TTN: variants seen among roughly 807,000 people sequenced by gnomAD.
TTN encodes connectin.
In TTN, 1,525 loss-of-function variants were observed where a neutral mutation model predicts 3,223.0. The ratio of observed to expected loss-of-function variants is 0.47; its 90% confidence interval spans 0.45 to 0.49. The LOEUF is 0.49. Ranked by LOEUF, TTN falls within the 20% of genes least tolerant of loss-of-function variation. TTN has a pLI of 0.00. For missense variants in TTN, 40,786 were observed against 43,424.0 expected (o/e 0.94, Z 5.40); for synonymous variants, 14,094 against 15,161.0 (o/e 0.93, Z 5.17).
In TTN at chr2:178,543,099, C is replaced by T. The variant is rs746347387; in HGVS notation, c.96874G>A (p.Val32292Ile). The change falls in exon 347 of 363, where the codon GTC becomes ATC. Residue 32292 changes from valine (V) to isoleucine (I), a missense_variant. Coordinates refer to ENST00000589042, the MANE Select transcript of TTN (RefSeq NM_001267550.2). ...EKGVSEPRET[V>I]TAVTVQDLRV... ...AGGTCTTGTACAGTCACGGCTGTGACAGTCTCTCTTGGTTCTGACACACCT... is the reference window on the plus strand; with the variant it reads ...AGGTCTTGTACAGTCACGGCTGTGATAGTCTCTCTTGGTTCTGACACACCT... 44 of 1,602,556 alleles carry T rather than the reference C, an allele frequency of 2.7e-5. No individual in the cohort carries two copies. Among genetic ancestry groups the T allele is most frequent in the Admixed American group, 5.0e-5 (3 of 59,564 alleles).
In TTN at chr2:178,771,249, A is replaced by G. The variant is rs780868304; in HGVS notation, c.8078T>C (p.Val2693Ala). 1.4e-5 allele frequency: 22 copies of G among 1,614,098 alleles called. No individual in the cohort carries two copies. Among genetic ancestry groups the G allele is most frequent in the Non-Finnish European group, 1.8e-5 (21 of 1,179,996 alleles). Residue 2693 changes from valine to alanine, a missense_variant, in exon 34 of 363, where the codon GTG becomes GCG. Transcript: ENST00000589042. Reference sequence around the variant, plus strand: ...TTTGGCAGATGTTTTGGAGGTGGCCACCTTGTAGGTATATTCTCCAATGTC... The same window carrying G: ...TTTGGCAGATGTTTTGGAGGTGGCCGCCTTGTAGGTATATTCTCCAATGTC... ...LDDIGEYTYKVATSKTSAKLK... is the reference protein window; with the variant it reads ...LDDIGEYTYKAATSKTSAKLK...
intron 305 of TTN, 48 bp downstream of exon 305, chr2:178,587,851 C>A (rs2049376365): frequency 1.3e-6 from 2 of 1,565,806 alleles, no homozygotes; most frequent in Admixed American, 1.8e-5. Flanking sequence ...GTGGGGAAAT[C>A]ATAAGAAATT....
chr2:178,800,433 A>C lies in TTN; in HGVS notation c.545T>G (p.Val182Gly). Residue 182 changes from valine (V) to glycine (G), a missense_variant, in exon 4 of 363, where the codon GTT becomes GGT. Physicochemically the swap from Val to Gly is moderately radical, Grantham distance 109 (BLOSUM62 -3). Coordinates refer to ENST00000589042, the MANE Select transcript of TTN (RefSeq NM_001267550.2). ...TTCAGCAGTCGAAGTAGCTCTTCCA[A>C]CGCTATTGGTGGCATTTACTGAATA... ...GTYSVNATNS[V>G]GRATSTAELL... is the part of the protein sequence containing the mutation. 6.2e-7 allele frequency: 1 copy of C among 1,614,080 alleles called. No homozygotes were observed. Among genetic ancestry groups the C allele is most frequent in the African/African-American group, 1.3e-5 (1 of 75,026 alleles).
At position 178,740,421 on chromosome 2, in the gene TTN, T is replaced by C; in HGVS notation, c.12812A>G (p.His4271Arg). Residue 4271 changes from histidine to arginine, a missense_variant, in exon 48 of 363, where the codon CAC (histidine) becomes CGC (arginine). By Grantham distance (29) the His-to-Arg change is conservative. Transcript: ENST00000589042. ...ATCAGGACTCTGGAGACTCTCCACG[T>C]GTCCCTCAGCTAAGCTCTGACTCAA... is the stretch of plus-strand genomic sequence containing the variant. ...LILSQSLAEG[H>R]VESLQSPDVM... 6.2e-7 allele frequency: 1 copy of C among 1,613,228 alleles called. No homozygotes were observed. The highest frequency in any genetic ancestry group is 8.5e-7 in the Non-Finnish European group (1 of 1,179,524).
At position 178,591,038 on chromosome 2, in the gene TTN, T is replaced by C. The variant is rs1576097493; in HGVS notation, c.60687A>G (p.Thr20229=). ...WGVVSSGSSK[T]KLKIPHLQKG... ...TCTGCAGATGTGGGATTTTCAGCTT[T>C]GTCTTACTGCTTCCGGAAGAGACAA... Residue 20229 remains threonine, a synonymous_variant, in exon 304 of 363, where the codon ACA becomes ACG. Coordinates refer to ENST00000589042, the MANE Select transcript of TTN (RefSeq NM_001267550.2). 6.2e-7 allele frequency: 1 copy of C among 1,613,482 alleles called. No homozygotes were observed. The highest frequency in any genetic ancestry group is 8.5e-7 in the Non-Finnish European group (1 of 1,179,566).
At chr2:178,539,347 A>C (rs1693264004) in intron 352 of TTN, 35 bp downstream of exon 352, 1 of 1,599,304 alleles carries the variant, frequency 6.3e-7, no homozygotes, top group Non-Finnish European at 8.5e-7. Context: ...GTGCTGAAAT[A>C]ATGTTTATAA....
rs1455700938 is a variant in TTN at position 178,635,492 on chromosome 2, C to T, written c.41832G>A (p.Glu13944=). ...TTTTTCCTTCAATTTCCACTGCATA[C>T]TCAGCAATATCTTCTGGCATAGCAT... ...IKNAMPEDIA[E]YAVEIEGKRY... Residue 13944 remains glutamate, a synonymous_variant, in exon 227 of 363, where the codon GAG becomes GAA. Coordinates refer to ENST00000589042, the MANE Select transcript of TTN (RefSeq NM_001267550.2). 12 of 1,605,364 alleles carry T rather than the reference C, an allele frequency of 7.5e-6. No individual in the cohort carries two copies. Among genetic ancestry groups the T allele is most frequent in the Middle Eastern group, 1.7e-4 (1 of 6,040 alleles).
At position 178,571,760 on chromosome 2, in the gene TTN, G is replaced by C. The variant is rs1055906361; in HGVS notation, c.74372C>G (p.Thr24791Ser). 1.9e-6 allele frequency: 3 copies of C among 1,613,268 alleles called. No individual in the cohort carries two copies. Among genetic ancestry groups the C allele is most frequent in the Non-Finnish European group, 2.5e-6 (3 of 1,179,540 alleles). The change falls in exon 326 of 363, where the codon ACT becomes AGT. Residue 24791 changes from threonine (T) to serine (S), a missense_variant. Transcript: ENST00000589042. ...TTCAATAGCTTCACCAGCTGAGTTAGTCAGTTTAACCACATAATGGCCAAC... is the reference window on the plus strand; with the variant it reads ...TTCAATAGCTTCACCAGCTGAGTTACTCAGTTTAACCACATAATGGCCAAC... ...EDVGHYVVKL[T>S]NSAGEAIETL... is the part of the protein sequence containing the mutation.
Position 178,608,912 on chromosome 2 carries a change from A to G in TTN, c.52103-4T>C, listed in dbSNP as rs762931365. 1 of 1,605,530 alleles carries G rather than the reference A, an allele frequency of 6.2e-7. No homozygotes were observed. The highest frequency in any genetic ancestry group is 1.1e-5 in the South Asian group (1 of 90,366). On this transcript the variant is annotated splice_polypyrimidine_tract_variant and splice_region_variant and intron_variant, in intron 273 of 362. Transcript: ENST00000589042. ...TTGATTGGTGGTCCCGGTGTATCTA[A>G]TATTTCAGAAGAGAACAGTAATCAA...
Position 178,614,558 on chromosome 2 carries a change from A to G in TTN, c.48956T>C (p.Val16319Ala), listed in dbSNP as rs374837771. 1.9e-5 allele frequency: 31 copies of G among 1,612,320 alleles called. No homozygotes were observed. Among genetic ancestry groups the G allele is most frequent in the African/African-American group, 2.7e-5 (2 of 74,784 alleles). ...NVPKKSTVTI[V>A]DSKRSDTGTY... Reference sequence around the variant, plus strand: ...GCCAGTGTCACTTCTCTTACTATCAACAATAGTCACTGTGGATTTCTTAGG... The same window carrying G: ...GCCAGTGTCACTTCTCTTACTATCAGCAATAGTCACTGTGGATTTCTTAGG... The change falls in exon 261 of 363, where the codon GTT (valine) becomes GCT (alanine). Residue 16319 changes from valine (V) to alanine (A), a missense_variant. Transcript: ENST00000589042.
chr2:178,546,505 G>A lies in TTN; in HGVS notation c.94829-3C>T, dbSNP rs762081355. 1 of 1,608,840 alleles carries A rather than the reference G, an allele frequency of 6.2e-7. No individual in the cohort carries two copies. On this transcript the variant is annotated splice_polypyrimidine_tract_variant and splice_region_variant and intron_variant, in intron 341 of 362. Transcript: ENST00000589042. The stretch of plus-strand genomic sequence containing the variant: ...ATCCAGTTCGGCTTTGGGTGGAGCT[G>A]TCAGTAGGCAAAACAGATATGAATG...
intron 316 of TTN, 179 bp from the exon 317 acceptor site, chr2:178,580,788 C>G: frequency 1.5e-6 from 1 of 663,408 alleles, no homozygotes; most frequent in Non-Finnish European, 2.4e-6. Flanking sequence ...GTTGATCTTT[C>G]CATTTTCCAC....
intron 47 of TTN, chr2:178,748,037 T>C: frequency 6.2e-7 from 1 of 1,613,030 alleles, no homozygotes; most frequent in African/African-American, 1.3e-5. Context: ...CAACTCTGGT[T>C]CTAGAGTGCA....
At position 178,570,800 on chromosome 2, in the gene TTN, A is replaced by G. The variant is rs879132850; in HGVS notation, c.75332T>C (p.Ile25111Thr). The G allele has an allele frequency of 1.2e-6, 2 of 1,613,400 alleles. No homozygotes were observed. The highest frequency in any genetic ancestry group is 1.7e-6 in the Non-Finnish European group (2 of 1,179,610). Residue 25111 changes from isoleucine to threonine, a missense_variant, in exon 326 of 363, where the codon ATA becomes ACA. Physicochemically the swap from Ile to Thr is moderately conservative, Grantham distance 89 (BLOSUM62 -1). Transcript: ENST00000589042. ...TARDEVDPPRISMDPKYKDTI... is the reference protein window; with the variant it reads ...TARDEVDPPRTSMDPKYKDTI... ...GTCTTTGTATTTTGGATCCATACTTATTCGTGGTGGATCTACCTCATCTCT... is the reference window on the plus strand; with the variant it reads ...GTCTTTGTATTTTGGATCCATACTTGTTCGTGGTGGATCTACCTCATCTCT...
intron 47 of TTN, chr2:178,751,115 A>G (rs1443700399): frequency 6.2e-7 from 1 of 1,612,868 alleles, no homozygotes; most frequent in South Asian, 1.1e-5. Context: ...TGAATGATCT[A>G]CCTTATAACT....
rs886044458 is a variant in TTN, at chr2:178,550,089, G to A, written c.91749C>T (p.Ser30583=). 4.3e-6 allele frequency: 7 copies of A among 1,613,614 alleles called. No homozygotes were observed. The Admixed American group carries it at 6.7e-5, about 15-fold the overall frequency. The part of the protein sequence containing the change: ...MEITDVLGST[S]LFVRDATRDH... ...CCCGAGTAGCATCTCTAACAAATAG[G>A]CTGGTGGATCCAAGTACGTCGGTTA... Residue 30583 remains serine, a synonymous_variant, in exon 337 of 363, where the codon AGC becomes AGT. Coordinates refer to ENST00000589042, the MANE Select transcript of TTN (RefSeq NM_001267550.2).
At position 178,566,106 on chromosome 2, in the gene TTN, C is replaced by T; in HGVS notation, c.80026G>A (p.Val26676Ile). 6.2e-7 allele frequency: 1 copy of T among 1,613,648 alleles called. No homozygotes were observed. The highest frequency in any genetic ancestry group is 1.1e-5 in the South Asian group (1 of 91,076). The change falls in exon 326 of 363, where the codon GTA (valine) becomes ATA (isoleucine). Residue 26676 changes from valine (V) to isoleucine (I), a missense_variant. Val to Ile is a conservative substitution (Grantham distance 29). Transcript: ENST00000589042. Reference sequence around the variant, plus strand: ...GGAGTGTCAAGAACTTTCACAGTTACAAAAGCAGACTTTGATCCACTGCTG... The same window carrying T: ...GGAGTGTCAAGAACTTTCACAGTTATAAAAGCAGACTTTGATCCACTGCTG... ...ENSSGSKSAFVTVKVLDTPGP... is the reference protein window; with the variant it reads ...ENSSGSKSAFITVKVLDTPGP...
chr2:178,778,594 A>G (rs2092469158), intron 24 of TTN: 1 of 443,120 alleles, frequency 2.3e-6, no homozygotes, highest in Non-Finnish European at 4.1e-6. Flanking sequence ...GGGCTGTTGT[A>G]TAAATTTACA....
Position 178,789,426 on chromosome 2 carries a change from T to C in TTN, c.2010A>G (p.Glu670=), listed in dbSNP as rs1251409627. ...AVATAKAKEQ[E]TILRTRETMA... ...TAGTTTCTCTAGTTCTCAGTATTGT[T>C]TCTTGTTCTTTGGCTTTAGCAGTAG... The change falls in exon 13 of 363, where the codon GAA becomes GAG. Residue 670 remains glutamate (E), a synonymous_variant. Transcript: ENST00000589042. The C allele has an allele frequency of 6.2e-7, 1 of 1,613,600 alleles. No homozygotes were observed.
Sources: gnomAD v4.1 joint callset for allele counts on GRCh38, gnomAD v4.1.1 for gene constraint, MANE v1.5 for transcripts, NCBI Gene and HGNC (gene_info 2026-07-23, HGNC 2026-07-21) for gene names.